UCP2: variants seen among roughly 807,000 people sequenced by gnomAD.
UCP2 encodes the protein uncoupling protein 2.
A neutral mutation model predicts 31.3 loss-of-function variants in UCP2; 27 were observed. The observed-to-expected ratio is 0.86, with a 90% CI of 0.64 to 1.19. The LOEUF (loss-of-function observed/expected upper bound fraction) is 1.19, where lower values mean the gene tolerates loss of function less well. Among genes scored for constraint, UCP2 ranks in the 50% most tolerant of loss-of-function variants. The pLI is 0.00. For synonymous variants in UCP2, 142 were observed against 157.4 expected, an observed-to-expected ratio of 0.90 and a Z score of 0.73; for missense variants, 377 against 413.5, an observed-to-expected ratio of 0.91 and a Z score of 0.76.
rs1375154537 is a variant in UCP2, at chr11:73,977,842, G to A, written c.337+44C>T. The A allele has an allele frequency of 3.1e-6, 5 of 1,611,720 alleles. No individual in the cohort carries two copies. The African/African-American group carries it at 5.3e-5, about 17-fold the overall frequency. The stretch of plus-strand genomic sequence containing the variant: ...GAATGAACTAAGATCAATCATCACT[G>A]AGAAAAAAGGGCCAAGGGGCCTACA... On this transcript the variant is annotated intron_variant, in intron 4 of 7. Coordinates refer to ENST00000663595, the MANE Select transcript of UCP2 (RefSeq NM_003355.3).
chr11:73,976,501 G>A (rs1197702876), intron 6 of UCP2, 140 bp downstream of exon 6: 12 of 728,614 alleles, frequency 1.6e-5, no homozygotes, highest in Non-Finnish European at 2.1e-5. Context: ...CTTCAATATG[G>A]CAAGTAAGAG....
In UCP2 at chr11:73,978,491, A is replaced by G. The variant is rs1309553381; in HGVS notation, c.-99-14T>C. On this transcript the variant is annotated splice_polypyrimidine_tract_variant and intron_variant, in intron 2 of 7. Transcript: ENST00000663595. Reference sequence around the variant, plus strand: ...CTCTGCCGGAATCTAAGCCAAGAGGAGAAAAGCCCCATTAGCCACAATGTC... The same window carrying G: ...CTCTGCCGGAATCTAAGCCAAGAGGGGAAAAGCCCCATTAGCCACAATGTC... The G allele has an allele frequency of 6.7e-7, 1 of 1,495,964 alleles. No homozygotes were observed. Among genetic ancestry groups the G allele is most frequent in the Non-Finnish European group, 9.1e-7 (1 of 1,102,996 alleles). The allele number at this position is 1,495,964 out of a possible 1,614,324, so 92.7% of individuals were successfully genotyped here.
chr11:73,982,850 C>G (rs778876401), upstream of UCP2: 1 of 142,134 alleles, frequency 7.0e-6, no homozygotes, highest in African/African-American at 2.7e-5. Flanking sequence ...CAGTGGGGCT[C>G]CGCGCAGGCG....
chr11:73,976,543 G>A (rs1331974199), intron 6 of UCP2, 98 bp downstream of exon 6: 1 of 975,476 alleles, frequency 1.0e-6, no homozygotes, highest in African/African-American at 1.6e-5. Flanking sequence ...GGGCAAATAG[G>A]ATGAAAAGAT....
intron 3 of UCP2, 45 bp from the exon 4 acceptor site, chr11:73,978,141 C>G: frequency 1.2e-6 from 2 of 1,613,978 alleles, no homozygotes; most frequent in Non-Finnish European, 1.7e-6. Context: ...GCATGTTGCC[C>G]TTCCCACCTC....
chr11:73,979,791 C>T (rs1951421287), intron 2 of UCP2: 1 of 150,532 alleles, frequency 6.6e-6, no homozygotes. Flanking sequence ...GTGCTCCAGT[C>T]TGGGTGAGAG....
intron 6 of UCP2, 77 bp downstream of exon 6, chr11:73,976,564 G>T: frequency 1.8e-6 from 2 of 1,124,714 alleles, no homozygotes; most frequent in East Asian, 2.4e-5. Context: ...GTGGTCTTCT[G>T]GTGTCAGCTA....
chr11:73,982,978 C>G (rs1224327176), upstream of UCP2: 1 of 152,310 alleles, frequency 6.6e-6, no homozygotes, highest in African/African-American at 2.4e-5. Context: ...CCGCGGGGAC[C>G]GCCCCGCCTA....
At chr11:73,979,698 G>T (rs1951420252) in intron 2 of UCP2, among the ~76,000 whole-genome samples, 1 of 151,996 alleles carries the variant, frequency 6.6e-6, no homozygotes, top group African/African-American at 2.4e-5. Context: ...GGACATGGTG[G>T]TGCAGGCCTA....
rs79267771 is a variant in UCP2 at position 73,976,573 on chromosome 11, T to C, written c.634+68A>G. ...AAAGATGTGGTCTTCTGGTGTCAGC[T>C]AGACCCCCGCACCTGCTCCTGGCAT... On this transcript the variant is annotated intron_variant, in intron 6 of 7. Coordinates refer to ENST00000663595, the MANE Select transcript of UCP2 (RefSeq NM_003355.3). 3.9e-3 allele frequency: 4,958 copies of C among 1,258,820 alleles called. 142 individuals carry two copies. In the African/African-American group the frequency reaches 0.064, roughly 16 times the overall value. 78.0% of individuals were successfully genotyped at this position (1,258,820 alleles called of 1,614,324 possible). A position where few individuals can be genotyped will look rare whatever the true frequency, so the allele number is the denominator to read the frequency against.
At position 73,978,114 on chromosome 11, in the gene UCP2, G is replaced by T. The variant is rs1022988376; in HGVS notation, c.127-18C>A. ...CCTTGGATCTGCAAGGCCAAGACAG[G>T]GTAGCTACAGGGATAAGCATGTTGC... On this transcript the variant is annotated intron_variant, in intron 3 of 7. Coordinates refer to ENST00000663595, the MANE Select transcript of UCP2 (RefSeq NM_003355.3). 9 of 1,613,830 alleles carry T rather than the reference G, an allele frequency of 5.6e-6. No individual in the cohort carries two copies. The highest frequency in any genetic ancestry group is 1.7e-5 in the Admixed American group (1 of 59,988).
intron 2 of UCP2, chr11:73,980,138 A>G (rs1951427971): frequency 6.6e-6 from 1 of 152,246 alleles, no homozygotes; most frequent in Non-Finnish European, 1.5e-5. Context: ...GGAGGAAGTG[A>G]GCCCAGCACC....
In UCP2 at chr11:73,975,567, GGGC is replaced by G; in HGVS notation, c.736_738del (p.Ala246del). 6.2e-7 allele frequency: 1 copy of G among 1,614,192 alleles called. No homozygotes were observed. Among genetic ancestry groups the G allele is most frequent in the Non-Finnish European group, 8.5e-7 (1 of 1,180,036 alleles). On this transcript the variant is annotated inframe_deletion, in exon 7 of 8. Transcript: ENST00000663595. Reference sequence around the variant, plus strand: ...TGGCCAGCGCTACTGTACTGGCCCAGGGCAGAGTTCATGTATCTCGTCTTGACC... The same window carrying G: ...TGGCCAGCGCTACTGTACTGGCCCAGAGAGTTCATGTATCTCGTCTTGACC...
Position 73,975,612 on chromosome 11 carries a change from C to A in UCP2, c.694G>T (p.Ala232Ser). 1 of 1,614,066 alleles carries A rather than the reference C, an allele frequency of 6.2e-7. No homozygotes were observed. ...GTCTTGACCACGTCTACAGGGGAGG[C>A]GATGACAGTGGTGCAGAAGCCTGCC... ...FGAGFCTTVIASPVDVVKTRY... is the reference protein window; with the variant it reads ...FGAGFCTTVISSPVDVVKTRY... Residue 232 changes from alanine to serine, a missense_variant, in exon 7 of 8, where the codon GCC (alanine) becomes TCC (serine). Transcript: ENST00000663595.
chr11:73,978,862 C>G, intron 2 of UCP2: 1 of 279,634 alleles, frequency 3.6e-6, no homozygotes, highest in Non-Finnish European at 7.0e-6. Context: ...AAGTTTCACC[C>G]AGACTAAGAC....
intron 2 of UCP2, chr11:73,980,523 T>A (rs1484531186): frequency 2.0e-5 from 3 of 152,174 alleles, no homozygotes; most frequent in East Asian, 3.9e-4. Context: ...CTCCCCAGAT[T>A]CCCTGCTCTG....
Position 73,978,411 on chromosome 11 carries a change from G to A in UCP2, c.-33C>T. The stretch of plus-strand genomic sequence containing the variant: ...ATTTCCTGCTACGTCCCAGGAGATG[G>A]AGAAAAACTGGAGACAGGGGCACCT... On this transcript the variant is annotated 5_prime_UTR_variant, in exon 3 of 8. Coordinates refer to ENST00000663595, the MANE Select transcript of UCP2 (RefSeq NM_003355.3). The A allele has an allele frequency of 5.0e-6, 8 of 1,613,762 alleles. No individual in the cohort carries two copies. The highest frequency in any genetic ancestry group is 6.8e-6 in the Non-Finnish European group (8 of 1,179,944).
At chr11:73,978,188 G>T in intron 3 of UCP2, 65 bp downstream of exon 3, 1 of 1,613,952 alleles carries the variant, frequency 6.2e-7, no homozygotes, top group Non-Finnish European at 8.5e-7. Context: ...GCCCTTGAGG[G>T]GTCTGTGTCT....
At chr11:73,981,275 A>G (rs771822741) in intron 2 of UCP2, 37 of 152,242 alleles carry the variant, frequency 2.4e-4, no homozygotes, top group Admixed American at 2.4e-3. Context: ...AATGGGGACC[A>G]AGATCCTTGG....
Sources: gnomAD v4.1 joint callset for allele counts (sites outside exome capture counted in the v4.1 genomes callset) on GRCh38, gnomAD v4.1.1 for gene constraint, MANE v1.5 for transcripts, NCBI Gene and HGNC (gene_info 2026-07-23, HGNC 2026-07-21) for gene names.